SNX32: variants seen among roughly 807,000 people sequenced by gnomAD.
SNX32 encodes sorting nexin-32.
In SNX32, 58 loss-of-function variants were observed where a neutral mutation model predicts 57.0. The ratio of observed to expected loss-of-function variants is 1.02; its 90% CI spans 0.82 to 1.27. SNX32 has a LOEUF of 1.27. Among genes scored for constraint, SNX32 ranks in the 50% most tolerant of loss-of-function variants. The pLI is 0.00. For missense variants in SNX32, 589 were observed against 541.2 expected, an observed-to-expected ratio of 1.09 and a Z score of -0.88; for synonymous variants, 262 against 220.4, an observed-to-expected ratio of 1.19 and a Z score of -1.67.
At chr11:65,849,650 G>T in intron 2 of SNX32, 68 bp downstream of exon 2, 1 of 1,355,302 alleles carries the variant, frequency 7.4e-7, no homozygotes. Context: ...CCAGGGGGTG[G>T]TAGGCATGTG....
At position 65,853,406 on chromosome 11, in the gene SNX32, G is replaced by C. The variant is rs771460958; in HGVS notation, c.*71G>C. The C allele has an allele frequency of 2.1e-5, 31 of 1,482,410 alleles. No homozygotes were observed. The highest frequency in any genetic ancestry group is 2.7e-5 in the Non-Finnish European group (29 of 1,063,022). 91.8% of individuals were successfully genotyped at this position (1,482,410 alleles called of 1,614,324 possible). A position where few individuals can be genotyped will look rare whatever the true frequency, so the allele number is the denominator to read the frequency against. ...CAGGGTATCCCAGACCCCTCTCTCC[G>C]GCAAGATGTCTCCTTCCCTAGCAGT... On this transcript the variant is annotated 3_prime_UTR_variant, in exon 13 of 13. Coordinates refer to ENST00000308342, the MANE Select transcript of SNX32 (RefSeq NM_152760.3).
chr11:65,843,622 A>T (rs915252248), intron 1 of SNX32, among the ~76,000 whole-genome samples: 1 of 152,250 alleles, frequency 6.6e-6, no homozygotes, highest in Non-Finnish European at 1.5e-5. Context: ...GCAAGAGCTT[A>T]AACTGTAACA....
intron 1 of SNX32, among the ~76,000 whole-genome samples, chr11:65,834,781 G>C (rs1278727993): frequency 6.7e-6 from 1 of 149,086 alleles, no homozygotes; most frequent in Non-Finnish European, 1.5e-5. Context: ...TTATGTCTGT[G>C]TGTGTGTGTC....
At chr11:65,852,150 C>G (rs1223488031) in intron 9 of SNX32, among the ~76,000 whole-genome samples, 2 of 152,174 alleles carry the variant, frequency 1.3e-5, no homozygotes, top group Admixed American at 6.5e-5. Context: ...GCCTCTTGTG[C>G]TCCAGCCACT....
At position 65,842,719 on chromosome 11, in the gene SNX32, G is replaced by C. The variant is rs143394573; in HGVS notation, c.37-6759G>C. ...AATCCCAGCACTTTGGGAGAACAAG[G>C]GGGGGTGGATCGCCTGAGGTCAGGA... On this transcript the variant is annotated intron_variant, in intron 1 of 12. Transcript: ENST00000308342. 9.8e-3 allele frequency among the ~76,000 whole-genome samples: 1,487 copies of C among 151,538 alleles called. 22 individuals carry two copies. The highest frequency in any genetic ancestry group is 0.033 in the African/African-American group (1,380 of 41,274).
Position 65,850,804 on chromosome 11 carries a change from T to C in SNX32, c.552T>C (p.Asn184=). The change falls in exon 6 of 13, where the codon AAT becomes AAC. Residue 184 remains asparagine, a synonymous_variant. Coordinates refer to ENST00000308342, the MANE Select transcript of SNX32 (RefSeq NM_152760.3). ...AGCTCCTCGGAGGGTTTCTGAGGAA[T>C]ATTGTGAAGTCCGCGGATGAAGCCC... is the stretch of plus-strand genomic sequence containing the variant. ...RKELLGGFLR[N]IVKSADEALI... 6.2e-7 allele frequency: 1 copy of C among 1,613,994 alleles called. No homozygotes were observed. The highest frequency in any genetic ancestry group is 8.5e-7 in the Non-Finnish European group (1 of 1,179,954).
Position 65,851,479 on chromosome 11 carries a change from A to T in SNX32, c.785+76A>T, listed in dbSNP as rs146107323. 121 of 1,556,386 alleles carry T rather than the reference A, an allele frequency of 7.8e-5. No individual in the cohort carries two copies. The African/African-American group carries it at 1.5e-3, about 20-fold the overall frequency. On this transcript the variant is annotated intron_variant, in intron 8 of 12. Transcript: ENST00000308342. ...CTTCCCATGAGGGGTCACTCTGTAG[A>T]TGTCTACTGTCAGCTCTAGGTGGGA...
Position 65,851,671 on chromosome 11 carries a change from C to G in SNX32, c.817C>G (p.Arg273Gly), listed in dbSNP as rs1450972817. The G allele has an allele frequency of 6.2e-7, 1 of 1,614,108 alleles. No individual in the cohort carries two copies. Among genetic ancestry groups the G allele is most frequent in the Non-Finnish European group, 8.5e-7 (1 of 1,179,988 alleles). Residue 273 changes from arginine (R) to glycine (G), a missense_variant, in exon 9 of 13, where the codon CGG becomes GGG. Physicochemically the swap from Arg to Gly is moderately radical, Grantham distance 125. Transcript: ENST00000308342. ...CCTCAAATTGGCAGAGCTCTTTGAACGGCTGAGGGTGAGTACTGCCTTCTG... is the reference window on the plus strand; with the variant it reads ...CCTCAAATTGGCAGAGCTCTTTGAAGGGCTGAGGGTGAGTACTGCCTTCTG... Reference protein sequence around the residue: ...SFLKLAELFERLRKLEGRVAS... With the variant: ...SFLKLAELFEGLRKLEGRVAS...
rs576015652 is a variant in SNX32 at position 65,852,321 on chromosome 11, C to T, written c.826-144C>T. On this transcript the variant is annotated intron_variant, in intron 9 of 12. Coordinates refer to ENST00000308342, the MANE Select transcript of SNX32 (RefSeq NM_152760.3). ...TCCCACTTCCTCTGTGAAGCCTTCC[C>T]TGGCCTGCACCCCTCAACACCAGAC... is the stretch of plus-strand genomic sequence containing the variant. 22 of 727,834 alleles carry T rather than the reference C, an allele frequency of 3.0e-5. No homozygotes were observed. The African/African-American group carries it at 3.3e-4, about 11-fold the overall frequency. 45.1% of individuals were successfully genotyped at this position (727,834 alleles called of 1,614,324 possible). A position where few individuals can be genotyped will look rare whatever the true frequency, so the allele number is the denominator to read the frequency against.
rs746408377 is a variant in SNX32, at chr11:65,852,765, C to T, written c.1048C>T (p.Arg350Cys). 1.8e-5 allele frequency: 29 copies of T among 1,609,064 alleles called. No individual in the cohort carries two copies. The highest frequency in any genetic ancestry group is 3.3e-4 in the Middle Eastern group (2 of 6,066). Residue 350 changes from arginine to cysteine, a missense_variant, in exon 11 of 13, where the codon CGC becomes TGC. Transcript: ENST00000308342. ...GCAGCTGTGCTGCCAACGCTTCGAGCGCCTCTCCGACTCCGCCAAGCAAGG... is the reference window on the plus strand; with the variant it reads ...GCAGCTGTGCTGCCAACGCTTCGAGTGCCTCTCCGACTCCGCCAAGCAAGG... Reference protein sequence around the residue: ...HQQLCCQRFERLSDSAKQELM... With the variant: ...HQQLCCQRFECLSDSAKQELM...
intron 1 of SNX32, among the ~76,000 whole-genome samples, chr11:65,839,223 G>GTTTTTTTTTTTTTTTTTTTT (rs755185237): frequency 0.018 from 421 of 22,984 alleles, 133 homozygotes; most frequent in Middle Eastern, 0.075. Context: ...TAATTTTTTT[G>GTTTTTTTTTTTTTTTTTTTT]TATTTTTTTT....
chr11:65,838,150 CT>C (rs1858723160), intron 1 of SNX32, among the ~76,000 whole-genome samples: 1 of 146,432 alleles, frequency 6.8e-6, no homozygotes. Context: ...GAGTGAAACT[CT>C]GTCAAAAAAA....
rs995568351 is a variant in SNX32, at chr11:65,853,178, CAG to C, written c.1159-99_1159-98del. ...GCCCAATTAACAGCAGCTGTTATTG[CAG>C]AGAGCAGGGGTGTGGGGAGCGAGGG... On this transcript the variant is annotated intron_variant, in intron 12 of 12. Transcript: ENST00000308342. 7 of 1,508,050 alleles carry C rather than the reference CAG, an allele frequency of 4.6e-6. No homozygotes were observed. The African/African-American group carries it at 6.9e-5, about 15-fold the overall frequency. The allele number at this position is 1,508,050 out of a possible 1,614,324, so 93.4% of individuals were successfully genotyped here.
At chr11:65,841,743 AAAAAT>A (rs1004712456) in intron 1 of SNX32, among the ~76,000 whole-genome samples, 8 of 152,130 alleles carry the variant, frequency 5.3e-5, no homozygotes, top group South Asian at 4.1e-4. Flanking sequence ...TCAAAAAATA[AAAAAT>A]AAAATAAAAT....
Position 65,850,505 on chromosome 11 carries a change from C to A in SNX32, c.449C>A (p.Thr150Asn), listed in dbSNP as rs1329375122. The part of the protein sequence containing the change: ...VFLQRLAAHP[T>N]LRRDHNFFVF... ...CTGCAGCGCCTGGCGGCCCACCCCA[C>A]CCTGCGTCGAGACCACAACTTCTTT... Residue 150 changes from threonine (T) to asparagine (N), a missense_variant, in exon 5 of 13, where the codon ACC becomes AAC. Coordinates refer to ENST00000308342, the MANE Select transcript of SNX32 (RefSeq NM_152760.3). 1.9e-6 allele frequency: 3 copies of A among 1,613,932 alleles called. No individual in the cohort carries two copies. Among genetic ancestry groups the A allele is most frequent in the Non-Finnish European group, 2.5e-6 (3 of 1,179,896 alleles).
In SNX32 at chr11:65,844,736, G is replaced by T. The variant is rs143572704; in HGVS notation, c.37-4742G>T. 9.7e-3 allele frequency among the ~76,000 whole-genome samples: 1,482 copies of T among 152,162 alleles called. 21 individuals are homozygous for T. Among genetic ancestry groups the T allele is most frequent in the African/African-American group, 0.033 (1,378 of 41,512 alleles). On this transcript the variant is annotated intron_variant, in intron 1 of 12. Coordinates refer to ENST00000308342, the MANE Select transcript of SNX32 (RefSeq NM_152760.3). ...AATCCTAGCACTTTGGGAGGCCGAA[G>T]CGGGCAGATCACTTGAGGTCAGGAG...
In SNX32 at chr11:65,846,401, T is replaced by C. The variant is rs895773917; in HGVS notation, c.37-3077T>C. On this transcript the variant is annotated intron_variant, in intron 1 of 12. Transcript: ENST00000308342. Reference sequence around the variant, plus strand: ...CTTCAACAAGGAGAAACCCCATCTCTACTAAAAATACAAAATTAGCTGGGC... The same window carrying C: ...CTTCAACAAGGAGAAACCCCATCTCCACTAAAAATACAAAATTAGCTGGGC... Among the ~76,000 whole-genome samples, 39 of 151,326 alleles carry C rather than the reference T, an allele frequency of 2.6e-4. 1 individual carries two copies. Among genetic ancestry groups the C allele is most frequent in the African/African-American group, 9.0e-4 (37 of 41,144 alleles).
chr11:65,834,156 G>C, intron 1 of SNX32, 55 bp downstream of exon 1: 1 of 1,521,522 alleles, frequency 6.6e-7, no homozygotes, highest in South Asian at 1.2e-5. Context: ...ATGAAAGCCC[G>C]TGATGCCCAA....
Position 65,850,778 on chromosome 11 carries a change from G to T in SNX32, c.526G>T (p.Glu176Ter). The change falls in exon 6 of 13, where the codon GAG becomes TAG. Residue 176 changes from glutamate to a stop codon, truncating the protein, a stop_gained. Transcript: ENST00000308342. LOFTEE classifies it high-confidence loss of function. ...DLSVRGKNRK[E>*]LLGGFLRNIV... ...GAGTGTCCGGGGGAAGAACAGGAAG[G>T]AGCTCCTCGGAGGGTTTCTGAGGAA... 1 of 1,614,122 alleles carries T rather than the reference G, an allele frequency of 6.2e-7. No homozygotes were observed. The highest frequency in any genetic ancestry group is 8.5e-7 in the Non-Finnish European group (1 of 1,179,994).
Sources: allele counts gnomAD v4.1 joint callset (sites outside exome capture counted in the v4.1 genomes callset), GRCh38; gene constraint gnomAD v4.1.1; transcripts MANE v1.5; gene names NCBI Gene and HGNC (gene_info 2026-07-23, HGNC 2026-07-21).